KALRN: variants seen among roughly 807,000 people sequenced by gnomAD.
KALRN encodes kalirin.
A neutral mutation model predicts 353.7 loss-of-function variants in KALRN; 70 were observed. That is an observed-to-expected ratio of 0.20 (90% CI 0.16 to 0.24). KALRN has a LOEUF of 0.24. Among genes scored for constraint, KALRN ranks in the 10% least tolerant of loss-of-function variants. KALRN has a pLI of 1.00. For synonymous variants in KALRN, 1,391 were observed against 1,434.8 expected (o/e 0.97, Z 0.69); for missense variants, 2,791 against 3,756.7 (o/e 0.74, Z 6.72).
intron 29 of KALRN, 145 bp downstream of exon 29, chr3:124,488,460 C>T: frequency 1.6e-6 from 1 of 635,326 alleles, no homozygotes; most frequent in Non-Finnish European, 2.8e-6. Context: ...AGGCCCTTGT[C>T]ATGTGAGAGG....
chr3:124,457,100 C>T (rs2059385920), intron 23 of KALRN, among the ~76,000 whole-genome samples: 1 of 151,914 alleles, frequency 6.6e-6, no homozygotes, highest in South Asian at 2.1e-4. Flanking sequence ...GACAGAGCCT[C>T]ACGGTGTCAC....
At chr3:124,332,376 A>C (rs2080669947) in intron 8 of KALRN, among the ~76,000 whole-genome samples, 2 of 152,208 alleles carry the variant, frequency 1.3e-5, no homozygotes, top group Admixed American at 1.3e-4. Context: ...GGAAGCACAC[A>C]CACCTCATTC....
intron 14 of KALRN, among the ~76,000 whole-genome samples, chr3:124,417,444 C>T (rs1030321673): frequency 7.2e-5 from 11 of 152,304 alleles, no homozygotes; most frequent in Admixed American, 3.9e-4. Context: ...ACAAGAGCAA[C>T]GTACCCTATG....
intron 1 of KALRN, chr3:124,094,843 G>C: frequency 6.2e-7 from 1 of 1,614,050 alleles, no homozygotes; most frequent in Non-Finnish European, 8.5e-7. Flanking sequence ...GTGGGATGAC[G>C]GACCGCTTCT....
chr3:124,188,635 G>A (rs1018908418), intron 1 of KALRN, among the ~76,000 whole-genome samples: 5 of 152,152 alleles, frequency 3.3e-5, no homozygotes, highest in East Asian at 1.9e-4. Context: ...GCTGGAGCAG[G>A]TGTTTCAGAG....
At chr3:124,072,159 C>A (rs1368909280) in intron 1 of KALRN, among the ~76,000 whole-genome samples, 2 of 152,156 alleles carry the variant, frequency 1.3e-5, no homozygotes, top group South Asian at 2.1e-4. Flanking sequence ...GGGAGAGGAG[C>A]TATTCCTTTT....
At chr3:124,202,684 G>C (rs1275341719) in intron 1 of KALRN, among the ~76,000 whole-genome samples, 1 of 152,050 alleles carries the variant, frequency 6.6e-6, no homozygotes, top group South Asian at 2.1e-4. Flanking sequence ...TGCTCCATTT[G>C]TGGTATTTGC....
chr3:124,664,414 CT>C (rs747877590), intron 45 of KALRN, among the ~76,000 whole-genome samples: 228 of 137,476 alleles, frequency 1.7e-3, no homozygotes, highest in Middle Eastern at 3.8e-3. Flanking sequence ...CAGAATCAAG[CT>C]TTTTTTTTTT....
chr3:124,110,973 A>G (rs11710702), intron 1 of KALRN, among the ~76,000 whole-genome samples: 26,228 of 152,218 alleles, frequency 0.17, 2,778 homozygotes, highest in East Asian at 0.46. Flanking sequence ...AGATTGGCAA[A>G]TGCTCTCAAG....
At chr3:124,696,565 G>A (rs1238487724) in intron 54 of KALRN, among the ~76,000 whole-genome samples, 1 of 152,072 alleles carries the variant, frequency 6.6e-6, no homozygotes, top group Non-Finnish European at 1.5e-5. Flanking sequence ...AATTCAAATA[G>A]AGACAGGGTC....
intron 10 of KALRN, among the ~76,000 whole-genome samples, chr3:124,365,883 G>A (rs1485465327): frequency 6.6e-6 from 1 of 152,188 alleles, no homozygotes; most frequent in African/African-American, 2.4e-5. Flanking sequence ...ATAGGCTCTA[G>A]GGGTGTGATC....
At chr3:124,051,563 G>A (rs1315923522) in intron 1 of KALRN, among the ~76,000 whole-genome samples, 1 of 152,132 alleles carries the variant, frequency 6.6e-6, no homozygotes, top group Non-Finnish European at 1.5e-5. Context: ...AAAAAATGAA[G>A]CCCAAATTAG....
chr3:124,380,212 C>T (rs954615787), intron 10 of KALRN, among the ~76,000 whole-genome samples: 25 of 152,216 alleles, frequency 1.6e-4, no homozygotes, highest in Admixed American at 1.5e-3. Flanking sequence ...CTGCTTCCTG[C>T]TTCTCCGCCT....
At chr3:124,079,314 T>C (rs1043364876) in intron 1 of KALRN, among the ~76,000 whole-genome samples, 1 of 152,058 alleles carries the variant, frequency 6.6e-6, no homozygotes, top group Non-Finnish European at 1.5e-5. Flanking sequence ...ACAAAAGAAA[T>C]GTACAAGAGG....
intron 1 of KALRN, among the ~76,000 whole-genome samples, chr3:124,173,023 A>G (rs1375661131): frequency 6.6e-6 from 1 of 152,164 alleles, no homozygotes. Context: ...AGGAGATTAA[A>G]TAATAACTGG....
intron 25 of KALRN, among the ~76,000 whole-genome samples, chr3:124,471,256 TTTA>T (rs139584790): frequency 0.24 from 33,545 of 138,538 alleles, 4,607 homozygotes; most frequent in East Asian, 0.42. Flanking sequence ...CCCACAAAGT[TTTA>T]TTATTATTAT....
At chr3:124,176,258 G>A (rs16835156) in intron 1 of KALRN, among the ~76,000 whole-genome samples, 42,293 of 152,032 alleles carry the variant, frequency 0.28, 6,456 homozygotes, top group East Asian at 0.47. Flanking sequence ...AAGATGGAAC[G>A]GGATGACTGG....
At chr3:124,457,146 T>G (rs1046501727) in intron 23 of KALRN, among the ~76,000 whole-genome samples, 5 of 152,142 alleles carry the variant, frequency 3.3e-5, no homozygotes. Context: ...CTCAGCTCAC[T>G]GCAACCTCCG....
chr3:124,621,989 G>A (rs2079323071), intron 34 of KALRN, among the ~76,000 whole-genome samples: 1 of 152,190 alleles, frequency 6.6e-6, no homozygotes, highest in Non-Finnish European at 1.5e-5. Flanking sequence ...TCAATTTCCA[G>A]TGTGAACAAA....
Sources: gnomAD v4.1 joint callset for allele counts (sites outside exome capture counted in the v4.1 genomes callset) on GRCh38, gnomAD v4.1.1 for gene constraint, MANE v1.5 for transcripts, NCBI Gene and HGNC (gene_info 2026-07-23, HGNC 2026-07-21) for gene names.